Variants in HDAC9 observed in about 807,000 individuals in gnomAD.
HDAC9 encodes MEF-2 interacting transcription repressor (MITR) protein.
HDAC9 carries 41 observed loss-of-function variants against 139.4 expected under a neutral mutation model. The observed-to-expected ratio is 0.29, with a 90% confidence interval of 0.23 to 0.38. The LOEUF (loss-of-function observed/expected upper bound fraction) is 0.38. HDAC9 is among the 10% of genes least tolerant of loss of function. HDAC9 has a pLI of 1.00. For missense variants in HDAC9, 1,147 were observed against 1,297.0 expected, an observed-to-expected ratio of 0.88 and a Z score of 1.78; for synonymous variants, 517 against 476.2, an observed-to-expected ratio of 1.09 and a Z score of -1.12.
intron 21 of HDAC9, among the ~76,000 whole-genome samples, chr7:18,859,838 A>ATGTGTGTGTGTG (rs1562997025): frequency 2.3e-5 from 3 of 129,788 alleles, no homozygotes; most frequent in African/African-American, 5.6e-5. Context: ...ATATATATAT[A>ATGTGTGTGTGTG]TATATATATA....
chr7:18,490,758 G>T (rs995519508), upstream of HDAC9, among the ~76,000 whole-genome samples: 1 of 151,968 alleles, frequency 6.6e-6, no homozygotes. Flanking sequence ...CTCACTGACT[G>T]CAGGCAAATG....
intron 17 of HDAC9, among the ~76,000 whole-genome samples, chr7:18,823,528 G>A (rs973492358): frequency 3.3e-5 from 5 of 152,276 alleles, no homozygotes; most frequent in Admixed American, 1.3e-4. Context: ...GAGGGAGAAA[G>A]TGACAAAGTG....
chr7:18,935,721 T>C (rs926016366), intron 22 of HDAC9, 88 bp from the exon 23 acceptor site: 1 of 1,222,828 alleles, frequency 8.2e-7, no homozygotes, highest in African/African-American at 1.5e-5. Context: ...TAGTAATGAC[T>C]TACTCAAAAT....
intron 1 of HDAC9, among the ~76,000 whole-genome samples, chr7:18,437,623 C>T (rs1007426137): frequency 6.7e-6 from 1 of 150,044 alleles, no homozygotes; most frequent in Non-Finnish European, 1.5e-5. Flanking sequence ...GAAATCATAC[C>T]ACAGTACACG....
intron 1 of HDAC9, among the ~76,000 whole-genome samples, chr7:18,155,752 T>C (rs1787143734): frequency 6.6e-6 from 1 of 152,142 alleles, no homozygotes; most frequent in African/African-American, 2.4e-5. Flanking sequence ...AAGGGTGAAG[T>C]CAGCAAACCT....
At chr7:18,519,972 A>G (rs185203453) in intron 2 of HDAC9, among the ~76,000 whole-genome samples, 7 of 152,280 alleles carry the variant, frequency 4.6e-5, no homozygotes, top group East Asian at 1.9e-4. Flanking sequence ...GTAGAATGGT[A>G]TACAGTACAT....
chr7:18,459,019 A>G (rs1456284148), intron 1 of HDAC9: 1 of 756,186 alleles, frequency 1.3e-6, no homozygotes, highest in Admixed American at 2.1e-5. Context: ...CTTGGCCAAG[A>G]TATGCTTGAC....
At chr7:18,323,672 G>A (rs1002220297) in intron 1 of HDAC9, among the ~76,000 whole-genome samples, 1 of 152,270 alleles carries the variant, frequency 6.6e-6, no homozygotes, top group East Asian at 1.9e-4. Flanking sequence ...CAAGTCTTAA[G>A]CTTTTGACAC....
chr7:18,619,764 A>T (rs1341205050), intron 6 of HDAC9, among the ~76,000 whole-genome samples: 1 of 152,072 alleles, frequency 6.6e-6, no homozygotes, highest in Non-Finnish European at 1.5e-5. Context: ...TTTATTTTTT[A>T]TTTAGTATTC....
At chr7:18,941,906 T>C (rs190894464) in intron 23 of HDAC9, among the ~76,000 whole-genome samples, 1 of 152,238 alleles carries the variant, frequency 6.6e-6, no homozygotes, top group African/African-American at 2.4e-5. Context: ...AAATGCCAAA[T>C]GAAGTGGACG....
intron 2 of HDAC9, among the ~76,000 whole-genome samples, chr7:18,539,854 CA>C (rs1812177360): frequency 6.6e-6 from 1 of 151,720 alleles, no homozygotes; most frequent in Non-Finnish European, 1.5e-5. Context: ...AAAATGAGGA[CA>C]CCAAAAATGT....
chr7:18,238,999 C>G (rs1027007196), intron 2 of HDAC9, among the ~76,000 whole-genome samples: 1 of 152,112 alleles, frequency 6.6e-6, no homozygotes, highest in Non-Finnish European at 1.5e-5. Flanking sequence ...TAACTCTGGG[C>G]ATAATCTTTT....
rs78759943 is a variant in HDAC9 at position 18,995,224 on chromosome 7, G to A, written c.3171-799G>A. ...AATTAACAAATGGCAGAGCTCAGACGCAAACTCAATTCACCCGGCATCTCA... is the reference window on the plus strand; with the variant it reads ...AATTAACAAATGGCAGAGCTCAGACACAAACTCAATTCACCCGGCATCTCA... On this transcript the variant is annotated intron_variant, in intron 25 of 25. Transcript: ENST00000686413. Among the ~76,000 whole-genome samples the A allele has an allele frequency of 1.6e-3, 239 of 152,248 alleles. 2 individuals carry two copies. Among genetic ancestry groups the A allele is most frequent in the African/African-American group, 5.3e-3 (221 of 41,540 alleles).
Position 18,519,546 on chromosome 7 carries a change from A to G in HDAC9, c.22+23222A>G, listed in dbSNP as rs115683095. Reference sequence around the variant, plus strand: ...AATCTTTGTCATGATTAACACATCAATGAGGTGCCATTTTTGTCAACATTA... The same window carrying G: ...AATCTTTGTCATGATTAACACATCAGTGAGGTGCCATTTTTGTCAACATTA... On this transcript the variant is annotated intron_variant, in intron 2 of 25. Transcript: ENST00000686413. Among the ~76,000 whole-genome samples the G allele has an allele frequency of 4.2e-3, 636 of 152,288 alleles. 1 individual carries two copies. The highest frequency in any genetic ancestry group is 0.013 in the African/African-American group (536 of 41,572).
At chr7:18,826,545 T>C (rs1414635518) in intron 17 of HDAC9, among the ~76,000 whole-genome samples, 1 of 152,122 alleles carries the variant, frequency 6.6e-6, no homozygotes, top group Non-Finnish European at 1.5e-5. Flanking sequence ...AGAAATAGTT[T>C]AGCAGAATGA....
At chr7:18,835,279 G>A (rs1270835266) in intron 19 of HDAC9, among the ~76,000 whole-genome samples, 188 bp from the exon 20 acceptor site, 1 of 152,126 alleles carries the variant, frequency 6.6e-6, no homozygotes, top group Admixed American at 6.6e-5. Context: ...TAATTTGCCT[G>A]AAAGTTCAGG....
intron 2 of HDAC9, among the ~76,000 whole-genome samples, chr7:18,259,053 T>C (rs1420271732): frequency 7.1e-6 from 1 of 140,270 alleles, no homozygotes; most frequent in Non-Finnish European, 1.5e-5. Context: ...CCCTGCAACC[T>C]CCGCCTCCTG....
intron 21 of HDAC9, among the ~76,000 whole-genome samples, chr7:18,870,110 A>G (rs147027360): frequency 0.013 from 2,043 of 152,242 alleles, 16 homozygotes; most frequent in Non-Finnish European, 0.015. Flanking sequence ...GTACCCTAAT[A>G]TTAAAAACTT....
intron 2 of HDAC9, among the ~76,000 whole-genome samples, chr7:18,558,706 G>C (rs577112290): frequency 2.0e-5 from 3 of 152,248 alleles, no homozygotes; most frequent in Admixed American, 2.0e-4. Context: ...ACCACCACTT[G>C]AGCACGAACT....
Sources: gnomAD v4.1 joint callset for allele counts (sites outside exome capture counted in the v4.1 genomes callset) on GRCh38, gnomAD v4.1.1 for gene constraint, MANE v1.5 for transcripts, NCBI Gene and HGNC (gene_info 2026-07-23, HGNC 2026-07-21) for gene names.